Variants in SKIL observed in about 807,000 individuals in gnomAD.
SKIL encodes SKI like proto-oncogene.
In SKIL, 20 loss-of-function variants were observed where a neutral mutation model predicts 69.6. The observed-to-expected ratio is 0.29, with a 90% CI of 0.20 to 0.42. The LOEUF (loss-of-function observed/expected upper bound fraction) is 0.42. Ranked by LOEUF, SKIL falls within the 10% of genes least tolerant of loss-of-function variation. The pLI, the probability that SKIL is intolerant of heterozygous loss-of-function variation, is 1.00. For missense variants in SKIL, 745 were observed against 783.1 expected, an observed-to-expected ratio of 0.95 and a Z score of 0.58; for synonymous variants, 310 against 279.9, an observed-to-expected ratio of 1.11 and a Z score of -1.08.
rs1474391106 is a variant in SKIL, at chr3:170,393,724, C to G, written c.*1307C>G. 1.3e-5 allele frequency: 2 copies of G among 151,890 alleles called. No individual in the cohort carries two copies. Among genetic ancestry groups the G allele is most frequent in the Admixed American group, 1.3e-4 (2 of 15,234 alleles). 9.4% of individuals were successfully genotyped at this position (151,890 alleles called of 1,614,324 possible). On this transcript the variant is annotated 3_prime_UTR_variant, in exon 7 of 7. Transcript: ENST00000259119. ...ACTATCATTAATTGACATTATTACC[C>G]CATGGATTTTATGGGATAATAAATG...
At chr3:170,378,884 T>TATTTATTTA (rs1388194011) in intron 2 of SKIL, among the ~76,000 whole-genome samples, 36 of 145,162 alleles carry the variant, frequency 2.5e-4, no homozygotes, top group African/African-American at 8.7e-4. Flanking sequence ...TTTATTTATT[T>TATTTATTTA]TTTTTATCTT....
chr3:170,362,975 T>G lies in SKIL; in HGVS notation c.1098+1546T>G, dbSNP rs556526578. On this transcript the variant is annotated intron_variant, in intron 2 of 6. Transcript: ENST00000259119. ...TAAATATTTAGTTTCTTGATCGGGT[T>G]GTTTTATATTTTTTCCTATTTGACT... 4.0e-5 allele frequency among the ~76,000 whole-genome samples: 6 copies of G among 151,694 alleles called. No individual in the cohort carries two copies. In the East Asian group the frequency reaches 1.2e-3, roughly 29 times the overall value.
At chr3:170,386,131 G>A (rs1364148724) in intron 4 of SKIL, among the ~76,000 whole-genome samples, 2 of 149,490 alleles carry the variant, frequency 1.3e-5, no homozygotes, top group East Asian at 4.0e-4. Context: ...TTTTTTGTTT[G>A]TTTGTTTGTT....
intron 2 of SKIL, among the ~76,000 whole-genome samples, chr3:170,366,728 G>T (rs747081539): frequency 2.3e-5 from 2 of 87,486 alleles, no homozygotes; most frequent in Non-Finnish European, 5.2e-5. Flanking sequence ...CTTGATTTTA[G>T]ATCTGCCTAT....
In SKIL at chr3:170,390,242, T is replaced by G; in HGVS notation, c.1449T>G (p.Asn483Lys). The G allele has an allele frequency of 2.5e-6, 4 of 1,611,634 alleles. No homozygotes were observed. Among genetic ancestry groups the G allele is most frequent in the Non-Finnish European group, 3.4e-6 (4 of 1,177,772 alleles). Residue 483 changes from asparagine to lysine, a missense_variant, in exon 5 of 7, where the codon AAT becomes AAG. Physicochemically the swap from Asn to Lys is moderately conservative, Grantham distance 94. Coordinates refer to ENST00000259119, the MANE Select transcript of SKIL (RefSeq NM_005414.5). Reference protein sequence around the residue: ...CSRLDASISNNSTSKRKSESA... With the variant: ...CSRLDASISNKSTSKRKSESA... ...TCCAAGATGCATCAATCTCAAATAATTCTACAAGTAAAAGGAAATCTGAGT... is the reference window on the plus strand; with the variant it reads ...TCCAAGATGCATCAATCTCAAATAAGTCTACAAGTAAAAGGAAATCTGAGT...
chr3:170,390,526 G>T lies in SKIL; in HGVS notation c.1671+62G>T, dbSNP rs376769181. 4 of 1,390,158 alleles carry T rather than the reference G, an allele frequency of 2.9e-6. No individual in the cohort carries two copies. In the African/African-American group the frequency reaches 4.3e-5, roughly 15 times the overall value. The allele number at this position is 1,390,158 out of a possible 1,614,324, so 86.1% of individuals were successfully genotyped here. ...AGATACTTTTGTATATTGCTCTGTC[G>T]CCCAGGCTGGAGTGCAGTGGCGCAG... On this transcript the variant is annotated intron_variant, in intron 5 of 6. Coordinates refer to ENST00000259119, the MANE Select transcript of SKIL (RefSeq NM_005414.5).
intron 4 of SKIL, among the ~76,000 whole-genome samples, chr3:170,390,015 T>C (rs1263247361): frequency 1.3e-5 from 2 of 152,260 alleles, no homozygotes; most frequent in Admixed American, 6.5e-5. Flanking sequence ...GGGATGTCTT[T>C]CCATGTATTT....
chr3:170,371,274 A>T (rs1736791072), intron 2 of SKIL, among the ~76,000 whole-genome samples: 1 of 152,110 alleles, frequency 6.6e-6, no homozygotes, highest in Non-Finnish European at 1.5e-5. Context: ...GCCAAGGCAG[A>T]CAGATGATTT....
chr3:170,358,658 G>A (rs183970587), intron 1 of SKIL: 1 of 152,368 alleles, frequency 6.6e-6, no homozygotes, highest in East Asian at 1.9e-4. Flanking sequence ...AAAGTGCTGA[G>A]AGTTTGGGAA....
chr3:170,371,536 A>G (rs147666634), intron 2 of SKIL, among the ~76,000 whole-genome samples: 255 of 152,254 alleles, frequency 1.7e-3, no homozygotes, highest in African/African-American at 5.8e-3. Flanking sequence ...CAAAAGGAGT[A>G]GTTACTGGAA....
intron 4 of SKIL, among the ~76,000 whole-genome samples, chr3:170,387,143 G>C (rs1247945887): frequency 2.0e-5 from 3 of 151,866 alleles, no homozygotes; most frequent in Non-Finnish European, 2.9e-5. Context: ...TCAGCCTCCT[G>C]AGTAGCTGGG....
At chr3:170,372,187 G>T (rs1469840577) in intron 2 of SKIL, among the ~76,000 whole-genome samples, 1 of 152,132 alleles carries the variant, frequency 6.6e-6, no homozygotes, top group African/African-American at 2.4e-5. Flanking sequence ...TTTTCTTCAA[G>T]TTCTAAAGGG....
Position 170,360,309 on chromosome 3 carries a change from A to ATT in SKIL, c.-22_-21dup. Reference sequence around the variant, plus strand: ...AATAGAAATGCTAATCTCAGACTTAATTATTTAACAGAAGAGTGTACCATG... The same window carrying ATT: ...AATAGAAATGCTAATCTCAGACTTAATTTTATTTAACAGAAGAGTGTACCATG... On this transcript the variant is annotated 5_prime_UTR_variant, in exon 2 of 7. An upstream open reading frame in the 5' UTR loses its in-frame stop. Transcript: ENST00000259119. 1 of 1,518,432 alleles carries ATT rather than the reference A, an allele frequency of 6.6e-7. No homozygotes were observed. 94.1% of individuals were successfully genotyped at this position (1,518,432 alleles called of 1,614,324 possible).
intron 1 of SKIL, among the ~76,000 whole-genome samples, chr3:170,359,188 C>G (rs1736090690): frequency 6.6e-6 from 1 of 152,208 alleles, no homozygotes; most frequent in Non-Finnish European, 1.5e-5. Context: ...GCTCGCTTTA[C>G]GCAACTCCAA....
chr3:170,381,570 C>G (rs1346445252), intron 3 of SKIL, among the ~76,000 whole-genome samples: 1 of 151,670 alleles, frequency 6.6e-6, no homozygotes, highest in Non-Finnish European at 1.5e-5. Flanking sequence ...GTAGCGGGGA[C>G]TACAGGCTCA....
chr3:170,357,959 C>T (rs1000281773), intron 1 of SKIL, 196 bp downstream of exon 1: 1 of 152,396 alleles, frequency 6.6e-6, no homozygotes, highest in Non-Finnish European at 1.5e-5. Flanking sequence ...GAGGGGGTCG[C>T]TAGGCGGGTG....
At chr3:170,364,450 A>C (rs1029611788) in intron 2 of SKIL, among the ~76,000 whole-genome samples, 3 of 150,750 alleles carry the variant, frequency 2.0e-5, no homozygotes, top group African/African-American at 7.3e-5. Context: ...CAGCCTCCCA[A>C]GTAGCCGGGG....
chr3:170,364,311 C>CTTT (rs34818157), intron 2 of SKIL, among the ~76,000 whole-genome samples: 1 of 59,992 alleles, frequency 1.7e-5, no homozygotes, highest in African/African-American at 5.7e-5. Flanking sequence ...TTGCTCCCGT[C>CTTT]TTTTTTTTTT....
At chr3:170,385,970 T>C (rs1737608425) in intron 4 of SKIL, among the ~76,000 whole-genome samples, 1 of 151,766 alleles carries the variant, frequency 6.6e-6, no homozygotes, top group Non-Finnish European at 1.5e-5. Context: ...TTTTGTATTT[T>C]TAGTAGAGAC....
Sources: gnomAD v4.1 joint callset for allele counts (sites outside exome capture counted in the v4.1 genomes callset) on GRCh38, gnomAD v4.1.1 for gene constraint, MANE v1.5 for transcripts, NCBI Gene and HGNC (gene_info 2026-07-23, HGNC 2026-07-21) for gene names.